The following MYT1L variants were observed in gnomAD, a reference collection of about 807,000 sequenced individuals.
The protein encoded by MYT1L is myelin transcription factor 1-like protein.
In MYT1L, 12 loss-of-function variants were observed where a neutral mutation model predicts 126.7. That is an observed-to-expected ratio of 0.09 (90% CI 0.06 to 0.15). The LOEUF is 0.15. Among genes scored for constraint, MYT1L ranks in the 10% least tolerant of loss-of-function variants. MYT1L has a pLI of 1.00. For missense variants in MYT1L, 979 were observed against 1,585.2 expected, an observed-to-expected ratio of 0.62 and a Z score of 6.49; for synonymous variants, 541 against 604.2, an observed-to-expected ratio of 0.90 and a Z score of 1.53.
intron 9 of MYT1L, among the ~76,000 whole-genome samples, chr2:1,936,225 T>C (rs999693396): frequency 6.6e-6 from 1 of 152,242 alleles, no homozygotes; most frequent in African/African-American, 2.4e-5. Flanking sequence ...ACCCGTCCTC[T>C]ACCTGCATCT....
chr2:1,970,524 T>C (rs988945517), intron 8 of MYT1L, among the ~76,000 whole-genome samples: 3 of 152,162 alleles, frequency 2.0e-5, no homozygotes, highest in Non-Finnish European at 2.9e-5. Context: ...GAGGAGCTCA[T>C]GGTGTCCATG....
rs1480498524 is a variant in MYT1L, at chr2:1,917,128, T to C, written c.1618+77A>G. ...GCACCGAGCCGTACAATGGAGATGATGTCAGGTAAGAGGGATGACAGAGAC... is the reference window on the plus strand; with the variant it reads ...GCACCGAGCCGTACAATGGAGATGACGTCAGGTAAGAGGGATGACAGAGAC... On this transcript the variant is annotated intron_variant, in intron 11 of 24. Coordinates refer to ENST00000647738, the MANE Select transcript of MYT1L (RefSeq NM_001303052.2). This position sits in a 1 kb window ranked among gnomAD's most constrained non-coding sequence, Gnocchi z 5.9. The C allele has an allele frequency of 1.2e-5, 19 of 1,523,832 alleles. No homozygotes were observed. Among genetic ancestry groups the C allele is most frequent in the Non-Finnish European group, 1.6e-5 (18 of 1,118,652 alleles). 94.4% of individuals were successfully genotyped at this position (1,523,832 alleles called of 1,614,324 possible).
At chr2:2,305,630 A>T (rs1341875417) in intron 1 of MYT1L, among the ~76,000 whole-genome samples, 2 of 152,172 alleles carry the variant, frequency 1.3e-5, no homozygotes, top group Non-Finnish European at 2.9e-5. Context: ...TTTATAAAGA[A>T]AAGAGGTTTA....
At chr2:2,253,814 G>A (rs1011070647) in intron 2 of MYT1L, among the ~76,000 whole-genome samples, 1 of 151,894 alleles carries the variant, frequency 6.6e-6, no homozygotes, top group African/African-American at 2.4e-5. Flanking sequence ...AAGCGGGGCA[G>A]GAGAGCAAGT....
At chr2:1,965,326 G>A (rs1233687797) in intron 8 of MYT1L, among the ~76,000 whole-genome samples, 2 of 149,398 alleles carry the variant, frequency 1.3e-5, no homozygotes, top group African/African-American at 5.0e-5. Context: ...CCCAGACTCT[G>A]TGACTTGCAG....
intron 1 of MYT1L, among the ~76,000 whole-genome samples, chr2:2,290,585 C>T (rs1163127406): frequency 6.6e-6 from 1 of 152,160 alleles, no homozygotes; most frequent in Admixed American, 6.5e-5. Flanking sequence ...TTAAGAACTA[C>T]AGGTTAAAAT....
At chr2:2,217,977 C>A (rs1285023548) in intron 2 of MYT1L, among the ~76,000 whole-genome samples, 1 of 152,138 alleles carries the variant, frequency 6.6e-6, no homozygotes, top group African/African-American at 2.4e-5. Context: ...AGATGCTTAG[C>A]ATCAGTAGAC....
intron 3 of MYT1L, among the ~76,000 whole-genome samples, chr2:2,152,452 T>C (rs1001106569): frequency 6.6e-6 from 1 of 152,192 alleles, no homozygotes; most frequent in Admixed American, 6.5e-5. Context: ...TAGGGGAGAA[T>C]ACCGTAGGTT....
intron 4 of MYT1L, among the ~76,000 whole-genome samples, chr2:2,009,898 GTTTTTTT>G (rs147372422): frequency 6.1e-5 from 7 of 114,294 alleles, no homozygotes; most frequent in Non-Finnish European, 1.3e-4. Flanking sequence ...ACTGTTAAGA[GTTTTTTT>G]TTTTTTTTTT....
rs560758090 is a variant in MYT1L, at chr2:2,030,228, G to A, written c.-158+23750C>T. Among the ~76,000 whole-genome samples the A allele has an allele frequency of 3.1e-4, 47 of 152,242 alleles. No individual in the cohort carries two copies. In the East Asian group the frequency reaches 7.9e-3, roughly 26 times the overall value. The stretch of plus-strand genomic sequence containing the variant: ...TTCTCCTGCCTCAGCCTCCCGAGTA[G>A]CTGGGACTACAGGCGTATGCTACCA... On this transcript the variant is annotated intron_variant, in intron 4 of 24. Transcript: ENST00000647738.
At position 1,791,434 on chromosome 2, in the gene MYT1L, C is replaced by G. The variant is rs1411677172; in HGVS notation, c.*433G>C. The G allele has an allele frequency of 2.7e-6, 1 of 369,780 alleles. No individual in the cohort carries two copies. The highest frequency in any genetic ancestry group is 2.1e-5 in the African/African-American group (1 of 47,062). The allele number at this position is 369,780 out of a possible 1,614,324, so 22.9% of individuals were successfully genotyped here. A position where few individuals can be genotyped will look rare whatever the true frequency, so the allele number is the denominator to read the frequency against. Reference sequence around the variant, plus strand: ...TGATAACGTCTAAAAAGCGGCTGCTCAGCCACAACATGATCATTCAAAGCT... The same window carrying G: ...TGATAACGTCTAAAAAGCGGCTGCTGAGCCACAACATGATCATTCAAAGCT... On this transcript the variant is annotated 3_prime_UTR_variant, in exon 25 of 25. Transcript: ENST00000647738. The surrounding 1 kb of genome is among the most constrained non-coding windows in gnomAD (Gnocchi z 6.0).
chr2:1,850,815 G>A (rs531875988), intron 19 of MYT1L, among the ~76,000 whole-genome samples: 3 of 152,078 alleles, frequency 2.0e-5, no homozygotes, highest in African/African-American at 7.2e-5. Context: ...TGCTTCCCGT[G>A]GGGAATTTTC....
At chr2:1,827,859 C>T (rs978998992) in intron 21 of MYT1L, 1 of 152,176 alleles carries the variant, frequency 6.6e-6, no homozygotes, top group African/African-American at 2.4e-5. Flanking sequence ...GGAGGGTCCC[C>T]TCACTGTACT....
rs1347539584 is a variant in MYT1L, at chr2:1,806,317, G to A, written c.3172+2759C>T. ...TCCTCTTTTTTACCCATGGACGTGC[G>A]TGCATTAGGATCTGCAGCAAGGGGA... On this transcript the variant is annotated intron_variant, in intron 22 of 24. Transcript: ENST00000647738. The surrounding 1 kb of genome is among the most constrained non-coding windows in gnomAD (Gnocchi z 4.9). Among the ~76,000 whole-genome samples, 2 of 152,178 alleles carry A rather than the reference G, an allele frequency of 1.3e-5. No individual in the cohort carries two copies. The highest frequency in any genetic ancestry group is 3.9e-4 in the East Asian group (2 of 5,192).
At position 1,801,387 on chromosome 2, in the gene MYT1L, T is replaced by C. The variant is rs750843918; in HGVS notation, c.3276+309A>G. On this transcript the variant is annotated intron_variant, in intron 23 of 24. Transcript: ENST00000647738. The surrounding 1 kb of genome is among the most constrained non-coding windows in gnomAD (Gnocchi z 4.2). ...AAATAACAGGAGGACCTGAAGTATC[T>C]TGGAAGGAAAACCTTCATTGTTTGC... 9 of 263,090 alleles carry C rather than the reference T, an allele frequency of 3.4e-5. No individual in the cohort carries two copies. Among genetic ancestry groups the C allele is most frequent in the Non-Finnish European group, 6.4e-5 (9 of 141,446 alleles). 16.3% of individuals were successfully genotyped at this position (263,090 alleles called of 1,614,324 possible).
At chr2:2,310,343 A>C (rs1037289623) in intron 1 of MYT1L, among the ~76,000 whole-genome samples, 1 of 151,968 alleles carries the variant, frequency 6.6e-6, no homozygotes, top group African/African-American at 2.4e-5. Flanking sequence ...CACTCTACCC[A>C]TACTCCACTT....
chr2:1,969,862 C>T (rs1268928552), intron 8 of MYT1L, among the ~76,000 whole-genome samples: 2 of 152,148 alleles, frequency 1.3e-5, no homozygotes, highest in African/African-American at 2.4e-5. Context: ...AAGTCATCCT[C>T]GGCACTTCCT....
intron 2 of MYT1L, among the ~76,000 whole-genome samples, chr2:2,275,212 G>GTGTGTGTT: frequency 6.8e-6 from 1 of 147,164 alleles, no homozygotes; most frequent in African/African-American, 2.5e-5. Context: ...ATGTGTGTGT[G>GTGTGTGTT]TGTGTGTGTG....
Position 1,923,106 on chromosome 2 carries a change from A to T in MYT1L, c.663T>A (p.Thr221=). The T allele has an allele frequency of 6.2e-7, 1 of 1,614,014 alleles. No individual in the cohort carries two copies. The highest frequency in any genetic ancestry group is 1.1e-5 in the South Asian group (1 of 91,084). ...AGGTATTGCTGTTCATTTCTGACTC[A>T]GTCCTGGCCCGGTAGGCTGCATCCT... ...IAEDAAYRAR[T]ESEMNSNTSN... Residue 221 remains threonine (T), a synonymous_variant, in exon 10 of 25, where the codon ACT becomes ACA. Coordinates refer to ENST00000647738, the MANE Select transcript of MYT1L (RefSeq NM_001303052.2).
Sources: gnomAD v4.1 joint callset for allele counts (sites outside exome capture counted in the v4.1 genomes callset) on GRCh38, gnomAD v4.1.1 for gene constraint, Gnocchi (gnomAD v3.1) non-coding constraint, MANE v1.5 for transcripts, NCBI Gene and HGNC (gene_info 2026-07-23, HGNC 2026-07-21) for gene names.